The following PAM variants were observed in gnomAD, a reference collection of about 807,000 sequenced individuals.
The protein encoded by PAM is peptidylglycine alpha-amidating monooxygenase.
In PAM, 72 loss-of-function variants were observed where a neutral mutation model predicts 122.1. The ratio of observed to expected loss-of-function variants is 0.59; its 90% CI spans 0.49 to 0.72. PAM has a LOEUF of 0.72. Among genes scored for constraint, PAM ranks in the 30% least tolerant of loss-of-function variants. The pLI, the probability that PAM is intolerant of heterozygous loss-of-function variation, is 0.00. For missense variants in PAM, 1,106 were observed against 1,183.7 expected (o/e 0.93, Z 0.96); for synonymous variants, 389 against 404.4 (o/e 0.96, Z 0.46).
chr5:102,866,349 C>A, intron 2 of PAM, 65 bp downstream of exon 2: 1 of 1,078,816 alleles, frequency 9.3e-7, no homozygotes, highest in Non-Finnish European at 1.4e-6. Flanking sequence ...CTTTTATGAA[C>A]CTGAGTGTTG....
intron 1 of PAM, among the ~76,000 whole-genome samples, chr5:102,773,582 C>T (rs867898800): frequency 1.3e-5 from 2 of 152,100 alleles, no homozygotes; most frequent in African/African-American, 4.8e-5. Flanking sequence ...CATTCATTCT[C>T]AGCTTGCAGG....
At chr5:102,944,648 A>T (rs4235636) in intron 7 of PAM, among the ~76,000 whole-genome samples, 147,349 of 152,166 alleles carry the variant, frequency 0.97, 71,373 homozygotes, top group East Asian at 1. Flanking sequence ...TTGTCTTGGG[A>T]CTGGTCAAGG....
chr5:102,866,342 T>C, intron 2 of PAM, 58 bp downstream of exon 2: 1 of 1,150,344 alleles, frequency 8.7e-7, no homozygotes, highest in Non-Finnish European at 1.3e-6. Flanking sequence ...GTAATCACTT[T>C]TATGAACCTG....
intron 3 of PAM, among the ~76,000 whole-genome samples, chr5:102,896,879 A>G (rs892961899): frequency 2.0e-5 from 3 of 151,600 alleles, no homozygotes; most frequent in African/African-American, 7.3e-5. Context: ...AAAATCTTTT[A>G]TGCTTTGGTA....
chr5:102,829,885 T>C (rs1774931338), intron 1 of PAM, among the ~76,000 whole-genome samples: 1 of 152,192 alleles, frequency 6.6e-6, no homozygotes, highest in Non-Finnish European at 1.5e-5. Context: ...TCTGCAGATA[T>C]CTTTTATCAA....
chr5:102,879,073 C>T (rs1206463870), intron 3 of PAM, among the ~76,000 whole-genome samples: 2 of 152,016 alleles, frequency 1.3e-5, no homozygotes, highest in South Asian at 2.1e-4. Flanking sequence ...GGACTACAGG[C>T]GCCTGCCACC....
At chr5:102,783,380 T>C (rs1759579452) in intron 1 of PAM, among the ~76,000 whole-genome samples, 1 of 152,234 alleles carries the variant, frequency 6.6e-6, no homozygotes, top group South Asian at 2.1e-4. Flanking sequence ...CTTAGATCTG[T>C]CTTCAATTTC....
At chr5:102,896,944 A>G (rs1035335111) in intron 3 of PAM, among the ~76,000 whole-genome samples, 4 of 151,630 alleles carry the variant, frequency 2.6e-5, no homozygotes, top group Non-Finnish European at 5.9e-5. Context: ...GAGAGTACAA[A>G]CACCACGGAG....
chr5:102,923,626 G>A (rs550486422), intron 5 of PAM, among the ~76,000 whole-genome samples: 2 of 152,310 alleles, frequency 1.3e-5, no homozygotes, highest in African/African-American at 4.8e-5. Context: ...GAAAAAAATG[G>A]TGGCTTGGAG....
intron 5 of PAM, among the ~76,000 whole-genome samples, chr5:102,922,132 C>T (rs1306939861): frequency 1.3e-5 from 2 of 151,570 alleles, no homozygotes; most frequent in Admixed American, 6.6e-5. Flanking sequence ...AAAAACTCAC[C>T]GAGAGGTAAG....
intron 14 of PAM, among the ~76,000 whole-genome samples, chr5:102,971,848 GA>G (rs1020147048): frequency 4.3e-4 from 66 of 152,182 alleles, no homozygotes; most frequent in African/African-American, 1.6e-3. Flanking sequence ...ACTAGAAGAG[GA>G]AAAAACTCTT....
intron 1 of PAM, among the ~76,000 whole-genome samples, chr5:102,801,178 A>G (rs1348068912): frequency 6.6e-6 from 1 of 152,112 alleles, no homozygotes; most frequent in Non-Finnish European, 1.5e-5. Flanking sequence ...TCACCTCACC[A>G]TGTGATACTG....
chr5:102,998,344 G>A (rs1471092051), intron 16 of PAM, among the ~76,000 whole-genome samples: 2 of 152,146 alleles, frequency 1.3e-5, no homozygotes, highest in Non-Finnish European at 2.9e-5. Context: ...CTAATGTTTT[G>A]TCATTCTGCA....
At chr5:102,849,468 G>A (rs1298631176) in intron 1 of PAM, among the ~76,000 whole-genome samples, 2 of 149,844 alleles carry the variant, frequency 1.3e-5, no homozygotes, top group Non-Finnish European at 2.9e-5. Flanking sequence ...TGAGACAGGA[G>A]AATCGCTTGA....
At chr5:102,945,994 A>G (rs1361057058) in intron 7 of PAM, among the ~76,000 whole-genome samples, 1 of 152,190 alleles carries the variant, frequency 6.6e-6, no homozygotes, top group Non-Finnish European at 1.5e-5. Context: ...GTCAGAGCAC[A>G]CTGCAAATCA....
chr5:102,862,638 G>A (rs1352345244), intron 1 of PAM, among the ~76,000 whole-genome samples: 1 of 152,198 alleles, frequency 6.6e-6, no homozygotes, highest in African/African-American at 2.4e-5. Context: ...AGCATTCAGA[G>A]TCTCAGGCAT....
chr5:102,985,204 AG>A (rs1198723265), intron 15 of PAM, among the ~76,000 whole-genome samples: 2 of 152,020 alleles, frequency 1.3e-5, no homozygotes, highest in Non-Finnish European at 2.9e-5. Context: ...ACCCAAAATT[AG>A]TAATAGGAAA....
At chr5:102,968,734 C>T (rs1686800941) in intron 14 of PAM, among the ~76,000 whole-genome samples, 1 of 151,902 alleles carries the variant, frequency 6.6e-6, no homozygotes, top group South Asian at 2.1e-4. Context: ...TAGAAAATAC[C>T]ACCCAGAATA....
intron 11 of PAM, among the ~76,000 whole-genome samples, chr5:102,950,416 G>GGGGGGTGTGTGTGTGTGT (rs372626572): frequency 1.4e-5 from 2 of 145,966 alleles, no homozygotes; most frequent in East Asian, 2.0e-4. Context: ...TATGTGGGTG[G>GGGGGGTGTGTGTGTGTGT]GTGTGTGTGT....
Sources: gnomAD v4.1 joint callset for allele counts (sites outside exome capture counted in the v4.1 genomes callset) on GRCh38, gnomAD v4.1.1 for gene constraint, MANE v1.5 for transcripts, NCBI Gene and HGNC (gene_info 2026-07-23, HGNC 2026-07-21) for gene names.